CDH6: variants seen among roughly 807,000 people sequenced by gnomAD.
CDH6 encodes cadherin 6.
Under a neutral mutation model 78.0 loss-of-function variants are expected in CDH6, and 31 were observed. The observed-to-expected ratio is 0.40, with a 90% CI of 0.30 to 0.54. CDH6 has a LOEUF of 0.54. CDH6 is among the 20% of genes least tolerant of loss of function. The pLI, the probability that CDH6 is intolerant of heterozygous loss-of-function variation, is 0.56. For missense variants in CDH6, 724 were observed against 975.9 expected, an observed-to-expected ratio of 0.74 and a Z score of 3.44; for synonymous variants, 376 against 368.8, an observed-to-expected ratio of 1.02 and a Z score of -0.23.
At chr5:31,318,955 G>A (rs979668575) in intron 11 of CDH6, 17 of 221,710 alleles carry the variant, frequency 7.7e-5, no homozygotes, top group Non-Finnish European at 1.3e-4. Flanking sequence ...CTCAACTACA[G>A]AACTGCGATT....
chr5:31,302,947 G>GAA (rs1168229346), intron 6 of CDH6, among the ~76,000 whole-genome samples: 42 of 130,008 alleles, frequency 3.2e-4, no homozygotes, highest in Non-Finnish European at 5.4e-4. Context: ...AAGAAAGAAA[G>GAA]AAAGAAAGAA....
At position 31,323,584 on chromosome 5, in the gene CDH6, C is replaced by T; in HGVS notation, c.*276C>T. The T allele has an allele frequency of 4.8e-6, 2 of 416,184 alleles. No individual in the cohort carries two copies. Among genetic ancestry groups the T allele is most frequent in the South Asian group, 3.7e-5 (1 of 26,966 alleles). 25.8% of individuals were successfully genotyped at this position (416,184 alleles called of 1,614,324 possible). A position where few individuals can be genotyped will look rare whatever the true frequency, so the allele number is the denominator to read the frequency against. ...ACAGGGAACAGTATTTCCACTTGTTCTCAGGGCAGCGTGCCCGCTTCCGCT... is the reference window on the plus strand; with the variant it reads ...ACAGGGAACAGTATTTCCACTTGTTTTCAGGGCAGCGTGCCCGCTTCCGCT... On this transcript the variant is annotated 3_prime_UTR_variant, in exon 12 of 12. Transcript: ENST00000265071.
At position 31,328,745 on chromosome 5, in the gene CDH6, C is replaced by A. The variant is rs187706491; in HGVS notation, c.*5437C>A. The A allele has an allele frequency of 1.8e-3, 388 of 215,900 alleles. 2 individuals are homozygous for A. Among genetic ancestry groups the A allele is most frequent in the Admixed American group, 4.5e-3 (77 of 17,154 alleles). 13.4% of individuals were successfully genotyped at this position (215,900 alleles called of 1,614,324 possible). On this transcript the variant is annotated 3_prime_UTR_variant, in exon 12 of 12. Coordinates refer to ENST00000265071, the MANE Select transcript of CDH6 (RefSeq NM_004932.4). ...GATGCCACCCTTGAAGATTTACTGG[C>A]GGGAATGCTCACTCTTGTCGTTTTC...
chr5:31,299,757 T>C, intron 5 of CDH6, 126 bp downstream of exon 5: 1 of 756,640 alleles, frequency 1.3e-6, no homozygotes, highest in Non-Finnish European at 2.1e-6. Context: ...CTGGTACTTT[T>C]ATTAAAAATG....
At chr5:31,286,960 T>A (rs1485058274) in intron 2 of CDH6, among the ~76,000 whole-genome samples, 1 of 152,070 alleles carries the variant, frequency 6.6e-6, no homozygotes, top group African/African-American at 2.4e-5. Context: ...CTAGGATGAC[T>A]CCCTGGTGGC....
At chr5:31,302,805 A>AAAGAAAG (rs1561066037) in intron 6 of CDH6, among the ~76,000 whole-genome samples, 1 of 104,502 alleles carries the variant, frequency 9.6e-6, no homozygotes, top group Admixed American at 9.5e-5. Context: ...AGAGAGAAAG[A>AAAGAAAG]AAGAAAGAAA....
chr5:31,317,982 G>C, intron 11 of CDH6, 58 bp downstream of exon 11: 1 of 1,588,174 alleles, frequency 6.3e-7, no homozygotes, highest in Non-Finnish European at 8.6e-7. Flanking sequence ...CACTGTTACT[G>C]TGACACTCTA....
intron 1 of CDH6, among the ~76,000 whole-genome samples, chr5:31,209,650 A>G (rs1740638173): frequency 6.6e-6 from 1 of 152,204 alleles, no homozygotes; most frequent in Non-Finnish European, 1.5e-5. Flanking sequence ...ACTTTGGACT[A>G]TGAGTAAGAG....
At chr5:31,246,086 A>G (rs1741740024) in intron 1 of CDH6, among the ~76,000 whole-genome samples, 1 of 151,120 alleles carries the variant, frequency 6.6e-6, no homozygotes, top group African/African-American at 2.4e-5. Context: ...TTTTTTTTGT[A>G]TTTTTAGTAG....
intron 1 of CDH6, among the ~76,000 whole-genome samples, chr5:31,234,890 A>G (rs141992174): frequency 6.6e-6 from 1 of 152,288 alleles, no homozygotes; most frequent in East Asian, 1.9e-4. Flanking sequence ...TATGATATTG[A>G]AGCTACTTTA....
chr5:31,263,311 T>A (rs1268797940), intron 1 of CDH6, among the ~76,000 whole-genome samples: 10 of 149,412 alleles, frequency 6.7e-5, no homozygotes, highest in African/African-American at 2.5e-4. Context: ...CAGGCTGGAG[T>A]GCAATAGCAT....
chr5:31,236,954 G>C (rs1741469963), intron 1 of CDH6, among the ~76,000 whole-genome samples: 1 of 152,108 alleles, frequency 6.6e-6, no homozygotes, highest in Non-Finnish European at 1.5e-5. Context: ...AGCAAAATTT[G>C]TCTCATTTTG....
At chr5:31,239,853 A>G (rs1223989199) in intron 1 of CDH6, among the ~76,000 whole-genome samples, 1 of 152,214 alleles carries the variant, frequency 6.6e-6, no homozygotes, top group Non-Finnish European at 1.5e-5. Flanking sequence ...ACCGGCCTTC[A>G]CTTTATCAGG....
intron 1 of CDH6, among the ~76,000 whole-genome samples, chr5:31,231,834 C>A (rs1201306957): frequency 1.3e-5 from 2 of 152,212 alleles, no homozygotes; most frequent in Non-Finnish European, 2.9e-5. Context: ...CAAACCATAG[C>A]ACTTCCTCTG....
At chr5:31,232,520 T>G (rs1367668630) in intron 1 of CDH6, among the ~76,000 whole-genome samples, 3 of 152,104 alleles carry the variant, frequency 2.0e-5, no homozygotes, top group Admixed American at 2.0e-4. Context: ...CTACAAAACG[T>G]TTTTGGCTGC....
intron 1 of CDH6, among the ~76,000 whole-genome samples, chr5:31,205,339 A>G (rs2111786355): frequency 2.0e-5 from 3 of 152,322 alleles, no homozygotes; most frequent in Admixed American, 2.0e-4. Flanking sequence ...AGGAAGCCCT[A>G]TCAGTGGTGT....
rs529299463 is a variant in CDH6, at chr5:31,274,820, C to CAAAT, written c.228+7135_228+7138dup. ...TGGGCAAGAGAATGAGACTCTGTCT[C>CAAAT]AAATAAATAAATAAATAAACAAGGA... On this transcript the variant is annotated intron_variant, in intron 2 of 11. Coordinates refer to ENST00000265071, the MANE Select transcript of CDH6 (RefSeq NM_004932.4). Among the ~76,000 whole-genome samples the CAAAT allele has an allele frequency of 6.2e-4, 95 of 152,162 alleles. No individual in the cohort carries two copies. In the East Asian group the frequency reaches 0.013, roughly 20 times the overall value.
intron 1 of CDH6, among the ~76,000 whole-genome samples, chr5:31,221,485 T>C (rs1404023930): frequency 6.6e-6 from 1 of 152,238 alleles, no homozygotes; most frequent in Non-Finnish European, 1.5e-5. Flanking sequence ...AAAACTTATT[T>C]CATTGATGAA....
At chr5:31,322,358 G>A (rs1023001919) in intron 11 of CDH6, among the ~76,000 whole-genome samples, 3 of 151,286 alleles carry the variant, frequency 2.0e-5, no homozygotes, top group Non-Finnish European at 2.9e-5. Context: ...AAGGCATAGC[G>A]CAAAAGTTAT....
Sources: allele counts gnomAD v4.1 joint callset (sites outside exome capture counted in the v4.1 genomes callset), GRCh38; gene constraint gnomAD v4.1.1; transcripts MANE v1.5; gene names NCBI Gene and HGNC (gene_info 2026-07-23, HGNC 2026-07-21).